Variants in EIF3L observed in about 807,000 individuals in gnomAD.
EIF3L encodes eukaryotic translation initiation factor 3 subunit L.
A neutral mutation model predicts 74.6 loss-of-function variants in EIF3L; 32 were observed. The ratio of observed to expected loss-of-function variants is 0.43; its 90% CI spans 0.32 to 0.58. EIF3L has a LOEUF of 0.58. Among genes scored for constraint, EIF3L ranks in the 20% least tolerant of loss-of-function variants. EIF3L has a pLI of 0.06. For missense variants in EIF3L, 474 were observed against 707.8 expected (o/e 0.67, Z 3.75); for synonymous variants, 256 against 254.4 (o/e 1.01, Z -0.06).
chr22:37,850,958 C>G (rs1925175511), intron 2 of EIF3L, among the ~76,000 whole-genome samples: 1 of 152,206 alleles, frequency 6.6e-6, no homozygotes, highest in African/African-American at 2.4e-5. Flanking sequence ...TTCCAACAGT[C>G]TTGCCTCTCT....
At chr22:37,867,927 C>T (rs145424047) in intron 7 of EIF3L, among the ~76,000 whole-genome samples, 215 of 146,962 alleles carry the variant, frequency 1.5e-3, no homozygotes, top group African/African-American at 5.1e-3. Flanking sequence ...TGCACTCCAG[C>T]CTCGGAGACA....
intron 5 of EIF3L, among the ~76,000 whole-genome samples, chr22:37,861,644 G>A (rs1255941113): frequency 5.9e-5 from 9 of 151,338 alleles, no homozygotes; most frequent in Non-Finnish European, 1.0e-4. Flanking sequence ...AGATTGCACC[G>A]CTGCACTCCA....
At chr22:37,865,593 C>T (rs1267035672) in intron 7 of EIF3L, among the ~76,000 whole-genome samples, 2 of 152,120 alleles carry the variant, frequency 1.3e-5, no homozygotes, top group Admixed American at 6.6e-5. Context: ...ATTAGAACTC[C>T]GTGAACCAGG....
At chr22:37,863,614 A>T (rs532192426) in intron 7 of EIF3L, among the ~76,000 whole-genome samples, 4 of 152,154 alleles carry the variant, frequency 2.6e-5, no homozygotes, top group Non-Finnish European at 5.9e-5. Flanking sequence ...GGTGGTAAGA[A>T]CACAGGCTTC....
intron 3 of EIF3L, among the ~76,000 whole-genome samples, chr22:37,854,979 T>C (rs1037130158): frequency 2.6e-5 from 4 of 151,870 alleles, no homozygotes; most frequent in Admixed American, 6.6e-5. Flanking sequence ...CATGTTTATA[T>C]GTTGGACTAA....
At chr22:37,850,147 A>G (rs1925108637) in intron 2 of EIF3L, 84 bp downstream of exon 2, 1 of 1,517,330 alleles carries the variant, frequency 6.6e-7, no homozygotes, top group Non-Finnish European at 9.1e-7. Context: ...ACAGGCATCA[A>G]AAATTGCTCT....
intron 7 of EIF3L, among the ~76,000 whole-genome samples, chr22:37,866,490 A>AT (rs1457945941): frequency 1.3e-5 from 2 of 152,152 alleles, no homozygotes; most frequent in Non-Finnish European, 2.9e-5. Flanking sequence ...GGTATAGTTT[A>AT]TTTTTTTAAG....
At chr22:37,858,833 G>A in intron 5 of EIF3L, 93 bp downstream of exon 5, 1 of 1,143,176 alleles carries the variant, frequency 8.7e-7, no homozygotes, top group Admixed American at 2.2e-5. Context: ...TGTTTATATT[G>A]GTTCAGTGTC....
chr22:37,856,292 G>A (rs906305865), intron 4 of EIF3L, among the ~76,000 whole-genome samples: 1 of 151,994 alleles, frequency 6.6e-6, no homozygotes, highest in African/African-American at 2.4e-5. Context: ...GGCCAGGCTG[G>A]TCTCGAACTG....
At chr22:37,859,319 G>C (rs1442272311) in intron 5 of EIF3L, among the ~76,000 whole-genome samples, 1 of 148,904 alleles carries the variant, frequency 6.7e-6, no homozygotes, top group African/African-American at 2.5e-5. Context: ...CCAACTTTGA[G>C]CACTTGCTAG....
intron 7 of EIF3L, among the ~76,000 whole-genome samples, chr22:37,865,312 C>A (rs547694016): frequency 3.5e-4 from 52 of 150,564 alleles, no homozygotes; most frequent in African/African-American, 1.2e-3. Context: ...AAAAAAAAAA[C>A]AGCTGGGCGT....
Sources: gnomAD v4.1 joint callset for allele counts (sites outside exome capture counted in the v4.1 genomes callset) on GRCh38, gnomAD v4.1.1 for gene constraint, MANE v1.5 for transcripts, NCBI Gene and HGNC (gene_info 2026-07-23, HGNC 2026-07-21) for gene names.